BRWD1: variants seen among roughly 807,000 people sequenced by gnomAD.
BRWD1 encodes bromodomain and WD repeat-containing protein 1.
In BRWD1, 82 loss-of-function variants were observed where a neutral mutation model predicts 251.2. That is an observed-to-expected ratio of 0.33 (90% CI 0.27 to 0.39). The LOEUF (loss-of-function observed/expected upper bound fraction) is 0.39. Ranked by LOEUF, BRWD1 falls within the 10% of genes least tolerant of loss-of-function variation. The pLI is 1.00. For synonymous variants in BRWD1, 918 were observed against 902.8 expected (o/e 1.02, Z -0.30); for missense variants, 2,233 against 2,711.6 (o/e 0.82, Z 3.92).
Position 39,312,908 on chromosome 21 carries a change from G to A in BRWD1, c.139-8C>T, listed in dbSNP as rs1459261185. ...CAATCTCTTCGGCAACAACTGGAAA[G>A]ACACGAAACGCACACGAGTGACCAC... On this transcript the variant is annotated splice_polypyrimidine_tract_variant and splice_region_variant and intron_variant, in intron 3 of 40. Transcript: ENST00000342449. 11 of 1,459,914 alleles carry A rather than the reference G, an allele frequency of 7.5e-6. No homozygotes were observed. Among genetic ancestry groups the A allele is most frequent in the Non-Finnish European group, 9.2e-6 (10 of 1,090,806 alleles). 90.4% of individuals were successfully genotyped at this position (1,459,914 alleles called of 1,614,324 possible). A position where few individuals can be genotyped will look rare whatever the true frequency, so the allele number is the denominator to read the frequency against.
At chr21:39,314,056 G>A (rs780981948), upstream of BRWD1, 11 of 455,784 alleles carry the variant, frequency 2.4e-5, no homozygotes, top group South Asian at 1.5e-4. Context: ...GGGCAAGGTC[G>A]CCCGCTCCGG....
rs1421241547 is a variant in BRWD1 at position 39,195,188 on chromosome 21, A to G, written c.*1071T>C. On this transcript the variant is annotated 3_prime_UTR_variant, in exon 41 of 41. Transcript: ENST00000342449. ...CCCAGCAAAGAATGCTTAGGATTGCACATGGAAGCAGTAAACTAAAACAAA... is the reference window on the plus strand; with the variant it reads ...CCCAGCAAAGAATGCTTAGGATTGCGCATGGAAGCAGTAAACTAAAACAAA... The G allele has an allele frequency of 9.6e-7, 1 of 1,041,594 alleles. No homozygotes were observed. Among genetic ancestry groups the G allele is most frequent in the African/African-American group, 1.7e-5 (1 of 58,344 alleles). The allele number at this position is 1,041,594 out of a possible 1,614,324, so 64.5% of individuals were successfully genotyped here.
chr21:39,245,643 A>G (rs1171638565), intron 21 of BRWD1, among the ~76,000 whole-genome samples: 1 of 147,288 alleles, frequency 6.8e-6, no homozygotes, highest in African/African-American at 2.5e-5. Flanking sequence ...TCTGATGCTC[A>G]GGCTGGAGTG....
intron 27 of BRWD1, 112 bp from the exon 28 acceptor site, chr21:39,225,309 A>G: frequency 1.3e-6 from 1 of 744,346 alleles, no homozygotes; most frequent in Non-Finnish European, 2.2e-6. Flanking sequence ...GCACAATACA[A>G]AAACAGGCAA....
At chr21:39,298,832 T>C (rs962334848) in intron 4 of BRWD1, among the ~76,000 whole-genome samples, 4 of 152,166 alleles carry the variant, frequency 2.6e-5, no homozygotes, top group African/African-American at 9.7e-5. Context: ...CTAAAATTTA[T>C]ATGCAAATGA....
rs2031530802 is a variant in BRWD1, at chr21:39,191,145, T to G, written c.*5114A>C. 14 of 985,358 alleles carry G rather than the reference T, an allele frequency of 1.4e-5. No individual in the cohort carries two copies. The highest frequency in any genetic ancestry group is 1.7e-5 in the Non-Finnish European group (14 of 829,912). 61.0% of individuals were successfully genotyped at this position (985,358 alleles called of 1,614,324 possible). ...GCAGGCAGAATCAGAAGTAAATACT[T>G]GTTTTCAATCTACCCTATTACTGTA... On this transcript the variant is annotated 3_prime_UTR_variant, in exon 41 of 41. Transcript: ENST00000342449.
chr21:39,303,351 T>A (rs1311917562), intron 4 of BRWD1, among the ~76,000 whole-genome samples: 1 of 151,592 alleles, frequency 6.6e-6, no homozygotes, highest in Non-Finnish European at 1.5e-5. Flanking sequence ...AAACCCCATT[T>A]GTACTAAAAC....
At chr21:39,219,151 T>A (rs1601306701) in intron 29 of BRWD1, among the ~76,000 whole-genome samples, 1 of 152,122 alleles carries the variant, frequency 6.6e-6, no homozygotes, top group Non-Finnish European at 1.5e-5. Flanking sequence ...GCAGGCAGGG[T>A]GGCTGACGCC....
At chr21:39,247,587 A>C (rs2034239902) in intron 21 of BRWD1, 114 bp downstream of exon 21, 2 of 1,085,570 alleles carry the variant, frequency 1.8e-6, no homozygotes, top group Non-Finnish European at 2.5e-6. Context: ...TTTCATATTA[A>C]TCTCTGCAGA....
At chr21:39,240,405 A>C (rs2033947821) in intron 21 of BRWD1, among the ~76,000 whole-genome samples, 1 of 152,206 alleles carries the variant, frequency 6.6e-6, no homozygotes. Context: ...GAAGCTGGGA[A>C]ATCACTTGAG....
At chr21:39,302,698 T>C (rs1175814812) in intron 4 of BRWD1, among the ~76,000 whole-genome samples, 4 of 142,782 alleles carry the variant, frequency 2.8e-5, no homozygotes, top group South Asian at 2.2e-4. Context: ...AAAGTTGCAG[T>C]GAGCCAAGGT....
chr21:39,318,891 T>C (rs1230673914), intron 1 of BRWD1, among the ~76,000 whole-genome samples: 1 of 152,182 alleles, frequency 6.6e-6, no homozygotes, highest in African/African-American at 2.4e-5. Flanking sequence ...GGACTTCTGT[T>C]GGATAAATTC....
At chr21:39,203,425 C>G (rs1404943546) in intron 37 of BRWD1, among the ~76,000 whole-genome samples, 1 of 128,812 alleles carries the variant, frequency 7.8e-6, no homozygotes, top group South Asian at 2.5e-4. Flanking sequence ...GGCAACAGAG[C>G]AAGACCCTGG....
intron 17 of BRWD1, among the ~76,000 whole-genome samples, chr21:39,260,637 T>C (rs776238646): frequency 5.9e-5 from 9 of 152,132 alleles, no homozygotes; most frequent in Non-Finnish European, 7.4e-5. Context: ...AAACAAAAGC[T>C]TTCAGACACT....
At chr21:39,248,794 G>T (rs1441167840) in intron 20 of BRWD1, among the ~76,000 whole-genome samples, 1 of 151,854 alleles carries the variant, frequency 6.6e-6, no homozygotes, top group Non-Finnish European at 1.5e-5. Flanking sequence ...ACTGTGGAAA[G>T]CAGTTTGATG....
intron 13 of BRWD1, among the ~76,000 whole-genome samples, chr21:39,270,866 C>A (rs1178001027): frequency 1.3e-5 from 2 of 152,220 alleles, no homozygotes; most frequent in Admixed American, 1.3e-4. Flanking sequence ...AACTGACACA[C>A]AGATGTTCAA....
rs2036593968 is a variant in BRWD1 at position 39,313,530 on chromosome 21, G to A, written c.-39C>T. ...GCGGGAGGCGGGAGCGAGCGAGCGA[G>A]CGGAGCGTGTAGGCCGCGCCGAGGC... is the stretch of plus-strand genomic sequence containing the variant. On this transcript the variant is annotated 5_prime_UTR_variant, in exon 1 of 41. Transcript: ENST00000342449. 8 of 1,328,636 alleles carry A rather than the reference G, an allele frequency of 6.0e-6. No homozygotes were observed. The highest frequency in any genetic ancestry group is 4.8e-6 in the Non-Finnish European group (5 of 1,046,350). 82.3% of individuals were successfully genotyped at this position (1,328,636 alleles called of 1,614,324 possible).
chr21:39,233,639 T>C (rs1178278993), intron 23 of BRWD1, among the ~76,000 whole-genome samples: 1 of 152,160 alleles, frequency 6.6e-6, no homozygotes, highest in Non-Finnish European at 1.5e-5. Flanking sequence ...CTGAGCAAAA[T>C]AGAGCTTTCT....
chr21:39,202,634 T>TA, intron 37 of BRWD1, 89 bp from the exon 38 acceptor site: 1 of 830,322 alleles, frequency 1.2e-6, no homozygotes, highest in Non-Finnish European at 1.8e-6. Flanking sequence ...AAGTATATCA[T>TA]ATTTCTTAAA....
Sources: gnomAD v4.1 joint callset for allele counts (sites outside exome capture counted in the v4.1 genomes callset) on GRCh38, gnomAD v4.1.1 for gene constraint, MANE v1.5 for transcripts, NCBI Gene and HGNC (gene_info 2026-07-23, HGNC 2026-07-21) for gene names.